DLGAP2: variants seen among roughly 807,000 people sequenced by gnomAD.
DLGAP2 encodes disks large-associated protein 2.
Under a neutral mutation model 100.3 loss-of-function variants are expected in DLGAP2, and 26 were observed. The ratio of observed to expected loss-of-function variants is 0.26; its 90% CI spans 0.19 to 0.36. DLGAP2 has a LOEUF of 0.36. DLGAP2 is among the 10% of genes least tolerant of loss of function. DLGAP2 has a pLI of 1.00. For synonymous variants in DLGAP2, 886 were observed against 630.1 expected, an observed-to-expected ratio of 1.41 and a Z score of -6.08; for missense variants, 1,858 against 1,453.2, an observed-to-expected ratio of 1.28 and a Z score of -4.53.
rs1376872017 is a variant in DLGAP2, at chr8:1,529,379, AC to A, written c.173-19246del. 5.3e-5 allele frequency among the ~76,000 whole-genome samples: 8 copies of A among 152,264 alleles called. No homozygotes were observed. The East Asian group carries it at 1.4e-3, about 26-fold the overall frequency. ...CATTGAAGATGAGATTTAGATGGAGACACAAAGCCTGGCCATATCACCTTCT... is the reference window on the plus strand; with the variant it reads ...CATTGAAGATGAGATTTAGATGGAGAACAAAGCCTGGCCATATCACCTTCT... On this transcript the variant is annotated intron_variant, in intron 4 of 14. Coordinates refer to ENST00000637795, the MANE Select transcript of DLGAP2 (RefSeq NM_001346810.2).
chr8:1,312,196 C>T (rs1390929725), intron 3 of DLGAP2, among the ~76,000 whole-genome samples: 6 of 152,184 alleles, frequency 3.9e-5, no homozygotes, highest in African/African-American at 7.2e-5. Flanking sequence ...ATAAAAGTTA[C>T]CTCGACATAG....
intron 3 of DLGAP2, among the ~76,000 whole-genome samples, chr8:1,374,104 G>A (rs62484161): frequency 0.32 from 42,571 of 133,354 alleles, 6,984 homozygotes; most frequent in African/African-American, 0.44. Context: ...GGTTTGCAGA[G>A]GACTGTGTGG....
chr8:1,131,990 C>T (rs888112404), intron 2 of DLGAP2, among the ~76,000 whole-genome samples: 2 of 152,172 alleles, frequency 1.3e-5, no homozygotes, highest in African/African-American at 4.8e-5. Flanking sequence ...GCTTGACCAG[C>T]TGTGAAAGAT....
chr8:1,001,703 G>A (rs1256740978), intron 2 of DLGAP2, among the ~76,000 whole-genome samples: 3 of 152,190 alleles, frequency 2.0e-5, no homozygotes, highest in Admixed American at 1.3e-4. Flanking sequence ...GAGTCTGGCA[G>A]CAAGCCATTT....
intron 2 of DLGAP2, among the ~76,000 whole-genome samples, chr8:1,178,098 C>T (rs7838460): frequency 0.23 from 34,348 of 152,032 alleles, 4,053 homozygotes; most frequent in Middle Eastern, 0.36. Flanking sequence ...CTGGTGGTGT[C>T]AGAGTCATTA....
At chr8:951,870 C>G (rs1268480821) in intron 2 of DLGAP2, among the ~76,000 whole-genome samples, 2 of 152,184 alleles carry the variant, frequency 1.3e-5, no homozygotes, top group Non-Finnish European at 2.9e-5. Context: ...TGTTAAGAAA[C>G]AATCATTTCA....
At chr8:1,520,103 T>A (rs1232739808) in intron 4 of DLGAP2, among the ~76,000 whole-genome samples, 1 of 152,204 alleles carries the variant, frequency 6.6e-6, no homozygotes, top group Non-Finnish European at 1.5e-5. Flanking sequence ...GCTGTCCCCA[T>A]CTCTGCTTCC....
Position 1,689,537 on chromosome 8 carries a change from G to A in DLGAP2, c.2705-1998G>A, listed in dbSNP as rs536597828. 2.0e-5 allele frequency among the ~76,000 whole-genome samples: 3 copies of A among 152,326 alleles called. No individual in the cohort carries two copies. The East Asian group carries it at 5.8e-4, about 29-fold the overall frequency. Reference sequence around the variant, plus strand: ...CAGCTTCCCATGGCTTCCTTCCAACGGAAGCAGGAGAAAGGGCTGGGCTAG... The same window carrying A: ...CAGCTTCCCATGGCTTCCTTCCAACAGAAGCAGGAGAAAGGGCTGGGCTAG... On this transcript the variant is annotated intron_variant, in intron 12 of 14. Transcript: ENST00000637795.
chr8:1,348,692 T>C (rs1801631398), intron 3 of DLGAP2, among the ~76,000 whole-genome samples: 1 of 152,232 alleles, frequency 6.6e-6, no homozygotes, highest in Non-Finnish European at 1.5e-5. Flanking sequence ...CCAGCAGAGC[T>C]GCATTGCTCT....
intron 4 of DLGAP2, among the ~76,000 whole-genome samples, chr8:1,512,107 G>C (rs1800187309): frequency 6.6e-6 from 1 of 152,208 alleles, no homozygotes; most frequent in Admixed American, 6.5e-5. Flanking sequence ...AGGGCCGACG[G>C]CCTCCCTAAC....
At chr8:1,170,808 A>G (rs1252138994) in intron 2 of DLGAP2, among the ~76,000 whole-genome samples, 23 of 144,348 alleles carry the variant, frequency 1.6e-4, no homozygotes, top group East Asian at 8.0e-4. Context: ...CGGTCTATCA[A>G]TTTTGTGGAT....
chr8:1,177,936 G>C (rs1797297483), intron 2 of DLGAP2, among the ~76,000 whole-genome samples: 2 of 152,218 alleles, frequency 1.3e-5, no homozygotes, highest in Non-Finnish European at 2.9e-5. Flanking sequence ...CCTTCAGGAA[G>C]CACCAGCTGA....
At chr8:983,214 G>C (rs899058783) in intron 2 of DLGAP2, among the ~76,000 whole-genome samples, 1 of 152,166 alleles carries the variant, frequency 6.6e-6, no homozygotes, top group Admixed American at 6.5e-5. Context: ...CCACGTGTTG[G>C]TGGAAGGTAC....
chr8:1,424,843 A>G (rs984822884), intron 3 of DLGAP2, among the ~76,000 whole-genome samples: 10 of 152,230 alleles, frequency 6.6e-5, no homozygotes, highest in Non-Finnish European at 1.0e-4. Flanking sequence ...GGATACACAG[A>G]CAGGTCAGAG....
intron 2 of DLGAP2, among the ~76,000 whole-genome samples, chr8:1,224,892 C>G (rs368927404): frequency 2.6e-5 from 4 of 152,328 alleles, no homozygotes; most frequent in South Asian, 4.1e-4. Flanking sequence ...ACTGCTCCCC[C>G]ACATCTGCTA....
At chr8:1,059,634 C>T (rs548254194) in intron 2 of DLGAP2, among the ~76,000 whole-genome samples, 1 of 152,186 alleles carries the variant, frequency 6.6e-6, no homozygotes, top group Non-Finnish European at 1.5e-5. Flanking sequence ...TGTGTCCCCA[C>T]CACTTCACAA....
At chr8:1,135,503 G>GTT (rs3080806) in intron 2 of DLGAP2, among the ~76,000 whole-genome samples, 19,117 of 91,548 alleles carry the variant, frequency 0.21, 2,863 homozygotes, top group East Asian at 0.29. Flanking sequence ...TTTTTTGTGG[G>GTT]TTTTTTTTTT....
intron 2 of DLGAP2, among the ~76,000 whole-genome samples, chr8:1,173,179 G>T (rs1446508738): frequency 6.6e-6 from 1 of 152,194 alleles, no homozygotes; most frequent in Admixed American, 6.5e-5. Flanking sequence ...ATCGGCAGCG[G>T]TGTCCGCAGA....
At chr8:795,526 C>T (rs1007551435) in intron 1 of DLGAP2, among the ~76,000 whole-genome samples, 9 of 152,244 alleles carry the variant, frequency 5.9e-5, no homozygotes, top group Non-Finnish European at 1.0e-4. Flanking sequence ...CAGATGTGTG[C>T]AGTGTGCACT....
Sources: allele counts gnomAD v4.1 joint callset (sites outside exome capture counted in the v4.1 genomes callset), GRCh38; gene constraint gnomAD v4.1.1; transcripts MANE v1.5; gene names NCBI Gene and HGNC (gene_info 2026-07-23, HGNC 2026-07-21).